Variants in CDH13 observed in about 807,000 individuals in gnomAD.
CDH13 encodes the protein cadherin 13.
Under a neutral mutation model 63.8 loss-of-function variants are expected in CDH13, and 24 were observed. The ratio of observed to expected loss-of-function variants is 0.38; its 90% CI spans 0.27 to 0.53. CDH13 has a LOEUF of 0.53. Ranked by LOEUF, CDH13 falls within the 20% of genes least tolerant of loss-of-function variation. CDH13 has a pLI of 0.85. For synonymous variants in CDH13, 503 were observed against 355.3 expected (o/e 1.42, Z -4.67); for missense variants, 1,049 against 903.1 (o/e 1.16, Z -2.07).
chr16:83,646,853 C>T (rs1005412499), intron 8 of CDH13, among the ~76,000 whole-genome samples: 17 of 151,930 alleles, frequency 1.1e-4, no homozygotes, highest in African/African-American at 4.1e-4. Flanking sequence ...TCTTCTCTAG[C>T]TGCTTGTATC....
intron 5 of CDH13, among the ~76,000 whole-genome samples, chr16:83,304,289 A>G (rs1337103387): frequency 6.6e-6 from 1 of 152,186 alleles, no homozygotes; most frequent in African/African-American, 2.4e-5. Context: ...ATCTTGAACC[A>G]TCCACTAAAT....
At chr16:83,310,360 A>G (rs2089972677) in intron 5 of CDH13, among the ~76,000 whole-genome samples, 1 of 152,224 alleles carries the variant, frequency 6.6e-6, no homozygotes, top group South Asian at 2.1e-4. Context: ...ACAGAAAATG[A>G]GTAGTGGAAA....
In CDH13 at chr16:83,509,474, A is replaced by G. The variant is rs573746304; in HGVS notation, c.960+22819A>G. On this transcript the variant is annotated intron_variant, in intron 7 of 13. Transcript: ENST00000567109. ...TTTTGTAGCACAAAAGCAAGCATAG[A>G]TACCACATAAATGAATGAGCATGGC... 1.4e-3 allele frequency among the ~76,000 whole-genome samples: 210 copies of G among 152,338 alleles called. 5 individuals are homozygous for G. The South Asian group carries it at 0.041, about 29-fold the overall frequency.
intron 10 of CDH13, among the ~76,000 whole-genome samples, chr16:83,724,712 C>G (rs56324453): frequency 0.24 from 36,325 of 152,156 alleles, 4,980 homozygotes; most frequent in Non-Finnish European, 0.31. Context: ...CACCTGTATC[C>G]TTACTTTCCC....
chr16:83,383,263 C>T (rs2091604435), intron 6 of CDH13: 1 of 152,230 alleles, frequency 6.6e-6, no homozygotes, highest in Admixed American at 6.5e-5. Flanking sequence ...GGGGCACACA[C>T]AACCAACCCT....
At chr16:83,218,970 C>T (rs536551183) in intron 5 of CDH13, among the ~76,000 whole-genome samples, 1 of 152,254 alleles carries the variant, frequency 6.6e-6, no homozygotes, top group Non-Finnish European at 1.5e-5. Flanking sequence ...CCATCTTCTG[C>T]CATGATTGTG....
intron 5 of CDH13, among the ~76,000 whole-genome samples, chr16:83,268,086 G>A (rs140886777): frequency 6.6e-6 from 1 of 152,278 alleles, no homozygotes; most frequent in East Asian, 1.9e-4. Flanking sequence ...AGATACACCT[G>A]CCCCTATGTG....
At chr16:83,501,385 G>C (rs1333937178) in intron 7 of CDH13, among the ~76,000 whole-genome samples, 1 of 152,172 alleles carries the variant, frequency 6.6e-6, no homozygotes, top group African/African-American at 2.4e-5. Context: ...CTCCATGAAA[G>C]ACTCTCAGAG....
intron 3 of CDH13, among the ~76,000 whole-genome samples, chr16:83,091,161 T>G (rs1471192027): frequency 6.6e-6 from 1 of 152,140 alleles, no homozygotes; most frequent in Non-Finnish European, 1.5e-5. Flanking sequence ...GTGATCTCCT[T>G]CTTCCTTTCT....
intron 11 of CDH13, among the ~76,000 whole-genome samples, chr16:83,770,839 T>C (rs988295952): frequency 3.9e-5 from 6 of 152,046 alleles, no homozygotes; most frequent in Admixed American, 3.9e-4. Context: ...ATCAGAAAGG[T>C]CTTTATGTCC....
At chr16:82,855,468 G>A (rs1284403356) in intron 1 of CDH13, among the ~76,000 whole-genome samples, 1 of 152,214 alleles carries the variant, frequency 6.6e-6, no homozygotes, top group African/African-American at 2.4e-5. Flanking sequence ...CATAATTGTA[G>A]GCACTGGGTG....
Position 83,606,452 on chromosome 16 carries a change from T to C in CDH13, c.1101+3858T>C, listed in dbSNP as rs557285114. 9.2e-5 allele frequency among the ~76,000 whole-genome samples: 14 copies of C among 152,156 alleles called. No individual in the cohort carries two copies. In the East Asian group the frequency reaches 2.5e-3, roughly 27 times the overall value. On this transcript the variant is annotated intron_variant, in intron 8 of 13. Coordinates refer to ENST00000567109, the MANE Select transcript of CDH13 (RefSeq NM_001257.5). Reference sequence around the variant, plus strand: ...TTTCTCTCACTTAAAAGTTTGGAAGTGAAGGCTGGGAGTGGTGGCTCGTGT... The same window carrying C: ...TTTCTCTCACTTAAAAGTTTGGAAGCGAAGGCTGGGAGTGGTGGCTCGTGT...
At chr16:82,933,490 A>G (rs1173372312) in intron 2 of CDH13, among the ~76,000 whole-genome samples, 3 of 152,186 alleles carry the variant, frequency 2.0e-5, no homozygotes, top group African/African-American at 4.8e-5. Context: ...ACACAGAACC[A>G]GACCATAGCA....
At chr16:83,062,229 T>A (rs2031619794) in intron 3 of CDH13, among the ~76,000 whole-genome samples, 1 of 152,214 alleles carries the variant, frequency 6.6e-6, no homozygotes, top group African/African-American at 2.4e-5. Flanking sequence ...CTTATCAACT[T>A]ACTTAAATTG....
chr16:82,978,204 T>C (rs999149733), intron 2 of CDH13, among the ~76,000 whole-genome samples: 21 of 152,278 alleles, frequency 1.4e-4, no homozygotes, highest in African/African-American at 5.1e-4. Flanking sequence ...CATAAAGACA[T>C]GGTTTGGAAT....
intron 4 of CDH13, among the ~76,000 whole-genome samples, chr16:83,134,195 T>A (rs2036173238): frequency 6.6e-6 from 1 of 151,982 alleles, no homozygotes; most frequent in South Asian, 2.1e-4. Context: ...TCTTAGTAGA[T>A]TTGTTTTTTT....
At chr16:83,253,917 A>G (rs557994255) in intron 5 of CDH13, among the ~76,000 whole-genome samples, 1 of 152,244 alleles carries the variant, frequency 6.6e-6, no homozygotes, top group Non-Finnish European at 1.5e-5. Flanking sequence ...TAGGACGTGC[A>G]GATGTAATGG....
chr16:82,925,643 A>G (rs997836593), intron 2 of CDH13, among the ~76,000 whole-genome samples: 1 of 152,220 alleles, frequency 6.6e-6, no homozygotes, highest in African/African-American at 2.4e-5. Context: ...ACTGCCTACC[A>G]ACATGTAGAC....
intron 5 of CDH13, among the ~76,000 whole-genome samples, chr16:83,322,943 C>T (rs546107532): frequency 1.3e-5 from 2 of 152,168 alleles, no homozygotes; most frequent in Admixed American, 1.3e-4. Context: ...ACTTTTAATT[C>T]TGAGAAACCT....
Sources: allele counts gnomAD v4.1 joint callset (sites outside exome capture counted in the v4.1 genomes callset), GRCh38; gene constraint gnomAD v4.1.1; transcripts MANE v1.5; gene names NCBI Gene and HGNC (gene_info 2026-07-23, HGNC 2026-07-21).